The following CCDC12 variants were observed in gnomAD, a reference collection of about 807,000 sequenced individuals.
CCDC12 encodes coiled-coil domain-containing protein 12.
In CCDC12, 28 loss-of-function variants were observed where a neutral mutation model predicts 25.7. That is an observed-to-expected ratio of 1.09 (90% CI 0.81 to 1.50). The LOEUF (loss-of-function observed/expected upper bound fraction) is 1.50, where lower values mean the gene tolerates loss of function less well. Among genes scored for constraint, CCDC12 ranks in the 40% most tolerant of loss-of-function variants. The pLI is 0.00. For synonymous variants in CCDC12, 75 were observed against 87.7 expected (o/e 0.86, Z 0.81); for missense variants, 198 against 210.0 (o/e 0.94, Z 0.35).
chr3:46,925,609 TGCATA>T, intron 2 of CCDC12, 74 bp from the exon 3 acceptor site: 1 of 1,239,846 alleles, frequency 8.1e-7, no homozygotes, highest in Admixed American at 2.6e-5. Context: ...TCATACAATT[TGCATA>T]GCCCGTGAAT....
Position 46,938,018 on chromosome 3 carries a change from C to T in CCDC12, c.164+2980G>A, listed in dbSNP as rs369283738. 1.6e-4 allele frequency among the ~76,000 whole-genome samples: 25 copies of T among 152,284 alleles called. No individual in the cohort carries two copies. In the East Asian group the frequency reaches 3.3e-3, roughly 20 times the overall value. On this transcript the variant is annotated intron_variant, in intron 2 of 6. Coordinates refer to ENST00000683445, the MANE Select transcript of CCDC12 (RefSeq NM_001277074.2). ...ACAGGATGCTAGAAGTCCACCTGCC[C>T]AAAGTCTCTAGAAGGACAGCCCCAA...
At chr3:46,927,508 C>A (rs1299769509) in intron 2 of CCDC12, among the ~76,000 whole-genome samples, 1 of 152,192 alleles carries the variant, frequency 6.6e-6, no homozygotes, top group African/African-American at 2.4e-5. Context: ...TGCCTCCAGA[C>A]CCACCCACTG....
chr3:46,950,237 C>T (rs2034063239), intron 1 of CCDC12, among the ~76,000 whole-genome samples: 2 of 152,100 alleles, frequency 1.3e-5, no homozygotes, highest in South Asian at 4.1e-4. Context: ...ACCCAGCACC[C>T]AGGGCCCAGA....
intron 1 of CCDC12, among the ~76,000 whole-genome samples, chr3:46,949,575 C>G (rs2107157441): frequency 6.6e-6 from 1 of 152,324 alleles, no homozygotes; most frequent in South Asian, 2.1e-4. Flanking sequence ...GTGGGAACAT[C>G]AGGACACACT....
chr3:46,951,181 G>A (rs917225486), intron 1 of CCDC12, among the ~76,000 whole-genome samples: 1 of 152,082 alleles, frequency 6.6e-6, no homozygotes, highest in Admixed American at 6.5e-5. Context: ...AGAACTCACC[G>A]AAACAGAGAC....
At chr3:46,931,378 A>T (rs2033205912) in intron 2 of CCDC12, among the ~76,000 whole-genome samples, 2 of 152,188 alleles carry the variant, frequency 1.3e-5, no homozygotes, top group South Asian at 4.1e-4. Context: ...CAAGTATAGA[A>T]CCAGAGTAGA....
intron 1 of CCDC12, among the ~76,000 whole-genome samples, chr3:46,950,394 C>T (rs1409816212): frequency 1.3e-5 from 2 of 152,148 alleles, no homozygotes; most frequent in African/African-American, 2.4e-5. Flanking sequence ...TTACCACAGC[C>T]TGAAATTCCT....
intron 1 of CCDC12, among the ~76,000 whole-genome samples, chr3:46,973,003 G>A (rs941996255): frequency 2.0e-5 from 3 of 150,392 alleles, no homozygotes; most frequent in Admixed American, 2.0e-4. Context: ...TTAGTTCGTC[G>A]AAAAGACAGA....
intron 1 of CCDC12, among the ~76,000 whole-genome samples, chr3:46,950,998 C>T (rs866866015): frequency 2.0e-5 from 3 of 151,872 alleles, no homozygotes; most frequent in African/African-American, 7.3e-5. Flanking sequence ...CCCAGCATTT[C>T]GGGAGGCCGA....
chr3:46,938,662 G>A (rs751115769), intron 2 of CCDC12, among the ~76,000 whole-genome samples: 1 of 151,504 alleles, frequency 6.6e-6, no homozygotes, highest in Non-Finnish European at 1.5e-5. Context: ...ACCAGCCTGG[G>A]CAACCTGGTG....
At chr3:46,979,930 C>T (rs544292799), upstream of CCDC12, 1,402 of 371,366 alleles carry the variant, frequency 3.8e-3, 22 homozygotes, top group African/African-American at 0.028. Context: ...CGCCCCGCCC[C>T]GCGCCCGCAC....
At chr3:46,925,338 C>A (rs2032900611) in intron 3 of CCDC12, 118 bp downstream of exon 3, 1 of 846,098 alleles carries the variant, frequency 1.2e-6, no homozygotes, top group African/African-American at 1.6e-5. Flanking sequence ...AAGGGTCCTG[C>A]CTGCAGGCCC....
intron 1 of CCDC12, among the ~76,000 whole-genome samples, chr3:46,956,700 A>T (rs951720578): frequency 6.6e-6 from 1 of 152,088 alleles, no homozygotes; most frequent in Non-Finnish European, 1.5e-5. Context: ...GTGCACCTGT[A>T]GTCCCAGCTA....
At chr3:46,954,662 C>T (rs1374260935) in intron 1 of CCDC12, among the ~76,000 whole-genome samples, 7 of 141,802 alleles carry the variant, frequency 4.9e-5, no homozygotes, top group Non-Finnish European at 1.0e-4. Context: ...CGGTGGCTCA[C>T]GCCTGGTAAT....
At chr3:46,922,206 G>A in intron 6 of CCDC12, 30 bp downstream of exon 6, 1 of 1,614,158 alleles carries the variant, frequency 6.2e-7, no homozygotes, top group Non-Finnish European at 8.5e-7. Flanking sequence ...CCAGTGGGCA[G>A]GACCCCACCT....
chr3:46,969,473 T>C (rs1160325826), intron 1 of CCDC12, among the ~76,000 whole-genome samples: 2 of 152,194 alleles, frequency 1.3e-5, no homozygotes, highest in African/African-American at 4.8e-5. Context: ...GCTCAAGCGA[T>C]CTGCCCACTT....
rs372203117 is a variant in CCDC12, at chr3:46,968,737, C to T, written c.96+7900G>A. On this transcript the variant is annotated intron_variant, in intron 1 of 6. Transcript: ENST00000683445. ...ATGTGTGATGGGTGGAGGCTCCTTC[C>T]CGGGAGGTACTTATTCCCAAGCACC... Among the ~76,000 whole-genome samples the T allele has an allele frequency of 1.2e-4, 18 of 152,284 alleles. No homozygotes were observed. In the East Asian group the frequency reaches 3.5e-3, roughly 29 times the overall value.
At chr3:46,952,096 CAT>C (rs1483121073) in intron 1 of CCDC12, among the ~76,000 whole-genome samples, 3 of 152,006 alleles carry the variant, frequency 2.0e-5, no homozygotes, top group Non-Finnish European at 4.4e-5. Flanking sequence ...TATTTCCCCA[CAT>C]GAGATTTTGT....
intron 2 of CCDC12, among the ~76,000 whole-genome samples, chr3:46,935,235 G>C (rs1011045999): frequency 2.6e-5 from 4 of 152,210 alleles, no homozygotes; most frequent in African/African-American, 9.7e-5. Context: ...GCTGTGTGCA[G>C]ACCTCCATAC....
Sources: gnomAD v4.1 joint callset for allele counts (sites outside exome capture counted in the v4.1 genomes callset) on GRCh38, gnomAD v4.1.1 for gene constraint, MANE v1.5 for transcripts, NCBI Gene and HGNC (gene_info 2026-07-23, HGNC 2026-07-21) for gene names.